The following C12orf42 variants were observed in gnomAD, a reference collection of about 807,000 sequenced individuals.
C12orf42 encodes the protein chromosome 12 open reading frame 42, also known as uncharacterized protein C12orf42.
In C12orf42, 25 loss-of-function variants were observed where a neutral mutation model predicts 21.6. The observed-to-expected ratio is 1.16, with a 90% CI of 0.84 to 1.62. C12orf42 has a LOEUF of 1.62. C12orf42 is among the 40% of genes most tolerant of loss of function. The pLI, the probability that C12orf42 is intolerant of heterozygous loss-of-function variation, is 0.00. For missense variants in C12orf42, 483 were observed against 459.3 expected (o/e 1.05, Z -0.47); for synonymous variants, 174 against 175.0 (o/e 0.99, Z 0.05).
At chr12:103,153,572 A>T in the C12orf42 span, among the ~76,000 whole-genome samples, 1 of 152,164 alleles carries the variant, frequency 6.6e-6, no homozygotes, top group Non-Finnish European at 1.5e-5. Flanking sequence ...ATTTATTAAA[A>T]GGTGCTCAAA....
chr12:103,264,431 C>A (rs1013448650), downstream of C12orf42, among the ~76,000 whole-genome samples: 2 of 152,116 alleles, frequency 1.3e-5, no homozygotes, highest in African/African-American at 4.8e-5. Flanking sequence ...AGCCGTCAAC[C>A]AAGTAGGACA....
the C12orf42 span, among the ~76,000 whole-genome samples, chr12:103,194,542 A>C: frequency 6.6e-6 from 1 of 152,280 alleles, no homozygotes; most frequent in East Asian, 1.9e-4. Context: ...TACCAAAAGA[A>C]AATTCAAAAA....
intron 4 of C12orf42, among the ~76,000 whole-genome samples, chr12:103,289,473 T>A (rs911459179): frequency 2.1e-4 from 32 of 152,158 alleles, no homozygotes; most frequent in African/African-American, 7.7e-4. Flanking sequence ...TAAAAATAAT[T>A]AGAGGAGCAG....
chr12:103,143,975 T>C, the C12orf42 span, among the ~76,000 whole-genome samples: 1 of 152,084 alleles, frequency 6.6e-6, no homozygotes, highest in South Asian at 2.1e-4. Context: ...CAGGGTTATT[T>C]ATGGTAAGGA....
chr12:103,395,296 G>T (rs941620363), intron 3 of C12orf42, among the ~76,000 whole-genome samples: 5 of 151,230 alleles, frequency 3.3e-5, no homozygotes, highest in African/African-American at 7.3e-5. Context: ...TTGAAATTTA[G>T]TAAGAACACT....
intron 2 of C12orf42, among the ~76,000 whole-genome samples, chr12:103,470,347 T>C (rs759902256): frequency 1.3e-5 from 2 of 152,130 alleles, no homozygotes; most frequent in Non-Finnish European, 2.9e-5. Context: ...AAAGTATCAC[T>C]AGGAAGCTCA....
At chr12:103,488,290 C>T (rs946156701) in intron 1 of C12orf42, among the ~76,000 whole-genome samples, 16 of 152,224 alleles carry the variant, frequency 1.1e-4, no homozygotes, top group Admixed American at 2.6e-4. Flanking sequence ...CCACTCTCTT[C>T]TGGCTTGTAG....
intron 2 of C12orf42, among the ~76,000 whole-genome samples, chr12:103,440,264 C>T (rs201136475): frequency 1.0e-5 from 1 of 95,334 alleles, no homozygotes; most frequent in East Asian, 3.1e-4. Context: ...GTGGTGGGGT[C>T]GGGGGAGGGG....
chr12:103,243,959 C>T (rs1204625882), intron 10 of C12orf42, among the ~76,000 whole-genome samples: 1 of 152,100 alleles, frequency 6.6e-6, no homozygotes, highest in Non-Finnish European at 1.5e-5. Flanking sequence ...ACACCTCATT[C>T]CAATTAAATC....
intron 2 of C12orf42, among the ~76,000 whole-genome samples, chr12:103,415,000 C>T (rs1334877938): frequency 6.6e-6 from 1 of 152,032 alleles, no homozygotes; most frequent in African/African-American, 2.4e-5. Context: ...AAGGCTCAAC[C>T]ATCTGTTGTC....
At chr12:103,258,428 A>G (rs2034720734) in intron 10 of C12orf42, among the ~76,000 whole-genome samples, 1 of 152,152 alleles carries the variant, frequency 6.6e-6, no homozygotes, top group South Asian at 2.1e-4. Flanking sequence ...AGTCAAAGAC[A>G]CCCCATCACC....
chr12:103,362,525 C>T (rs1043293320), intron 4 of C12orf42, among the ~76,000 whole-genome samples: 4 of 152,028 alleles, frequency 2.6e-5, no homozygotes, highest in African/African-American at 9.7e-5. Flanking sequence ...CCTTATTTAC[C>T]TGAAAAATAA....
At chr12:103,104,727 C>A in the C12orf42 span, among the ~76,000 whole-genome samples, 1 of 152,230 alleles carries the variant, frequency 6.6e-6, no homozygotes, top group Non-Finnish European at 1.5e-5. Context: ...GCCACCGCGC[C>A]TGGCCGGGTT....
intron 1 of C12orf42, among the ~76,000 whole-genome samples, chr12:103,492,657 G>T (rs1955255563): frequency 6.6e-6 from 1 of 152,070 alleles, no homozygotes. Context: ...TCAGGAAGTG[G>T]AAAATCTTAC....
intron 2 of C12orf42, among the ~76,000 whole-genome samples, chr12:103,429,599 C>T (rs1473163760): frequency 6.6e-6 from 1 of 152,138 alleles, no homozygotes; most frequent in Non-Finnish European, 1.5e-5. Flanking sequence ...TGACTTTCTT[C>T]ACAGAATTAG....
At chr12:103,189,076 C>G in the C12orf42 span, among the ~76,000 whole-genome samples, 1 of 149,280 alleles carries the variant, frequency 6.7e-6, no homozygotes, top group African/African-American at 2.5e-5. Flanking sequence ...ATGTGACTTA[C>G]AAAAGAAACG....
chr12:103,314,438 T>C (rs1400826811), intron 4 of C12orf42, among the ~76,000 whole-genome samples: 1 of 152,192 alleles, frequency 6.6e-6, no homozygotes, highest in Non-Finnish European at 1.5e-5. Flanking sequence ...GCCTCTGGAA[T>C]TGTAAACTGG....
the C12orf42 span, among the ~76,000 whole-genome samples, chr12:103,514,508 C>A: frequency 4.5e-4 from 69 of 151,962 alleles, 1 homozygote; most frequent in African/African-American, 1.6e-3. Context: ...TGACTGGGGC[C>A]CCATGGGGAA....
Position 103,365,647 on chromosome 12 carries a change from T to G in C12orf42, c.259+3240A>C, listed in dbSNP as rs192989127. ...ACAAAGTTTCAGGATACAAAATTAATGTACACAAATTAGTAGCTCTGCTAA... is the reference window on the plus strand; with the variant it reads ...ACAAAGTTTCAGGATACAAAATTAAGGTACACAAATTAGTAGCTCTGCTAA... On this transcript the variant is annotated intron_variant, in intron 4 of 5. Coordinates refer to ENST00000548883, the MANE Select transcript of C12orf42 (RefSeq NM_198521.5). 5.7e-4 allele frequency among the ~76,000 whole-genome samples: 86 copies of G among 152,212 alleles called. No homozygotes were observed. The East Asian group carries it at 0.011, about 20-fold the overall frequency.
Sources: allele counts gnomAD v4.1 joint callset (sites outside exome capture counted in the v4.1 genomes callset), GRCh38; gene constraint gnomAD v4.1.1; transcripts MANE v1.5; gene names NCBI Gene and HGNC (gene_info 2026-07-23, HGNC 2026-07-21).